DPH6: variants seen among roughly 807,000 people sequenced by gnomAD.
The protein encoded by DPH6 is diphthine--ammonia ligase.
A neutral mutation model predicts 38.2 loss-of-function variants in DPH6; 33 were observed. The ratio of observed to expected loss-of-function variants is 0.86; its 90% CI spans 0.65 to 1.15. DPH6 has a LOEUF of 1.15. DPH6 is among the 50% of genes most tolerant of loss of function. The probability of loss-of-function intolerance (pLI) is 0.00; values close to 1 mark genes in which losing one functional copy is unlikely to be tolerated. For synonymous variants in DPH6, 108 were observed against 103.0 expected, an observed-to-expected ratio of 1.05 and a Z score of -0.30; for missense variants, 325 against 320.0, an observed-to-expected ratio of 1.02 and a Z score of -0.12.
chr15:35,424,766 A>C (rs922834336), intron 5 of DPH6, among the ~76,000 whole-genome samples: 1 of 151,654 alleles, frequency 6.6e-6, no homozygotes, highest in Non-Finnish European at 1.5e-5. Flanking sequence ...ATTACTGAAT[A>C]AAGGAGAAGA....
intron 3 of DPH6, among the ~76,000 whole-genome samples, chr15:35,287,880 G>A (rs1428567305): frequency 6.6e-6 from 1 of 152,176 alleles, no homozygotes; most frequent in East Asian, 1.9e-4. Context: ...ATATTGAAAT[G>A]ATAAATAACA....
chr15:35,163,550 G>A, the DPH6 span, among the ~76,000 whole-genome samples: 4 of 151,868 alleles, frequency 2.6e-5, no homozygotes, highest in Non-Finnish European at 5.9e-5. Flanking sequence ...GATTTAATAA[G>A]CAGTGAATCG....
At chr15:35,173,364 C>T in the DPH6 span, among the ~76,000 whole-genome samples, 1 of 152,192 alleles carries the variant, frequency 6.6e-6, no homozygotes. Flanking sequence ...ATTTCTAACA[C>T]CTTAAAACCA....
intron 3 of DPH6, among the ~76,000 whole-genome samples, chr15:35,527,454 C>A (rs1291259564): frequency 3.3e-5 from 5 of 152,016 alleles, no homozygotes. Context: ...ATCCCTATTC[C>A]TCAAGTTACT....
chr15:35,261,126 A>G (rs2051743578), intron 3 of DPH6, among the ~76,000 whole-genome samples: 1 of 152,156 alleles, frequency 6.6e-6, no homozygotes, highest in South Asian at 2.1e-4. Context: ...TCTTTCCCAG[A>G]TGATTAACTT....
chr15:35,243,250 A>G (rs1366073432), intron 3 of DPH6, among the ~76,000 whole-genome samples: 1 of 140,856 alleles, frequency 7.1e-6, no homozygotes, highest in Non-Finnish European at 1.5e-5. Context: ...AATCTCTCCC[A>G]CTCTAGGTTC....
intron 3 of DPH6, among the ~76,000 whole-genome samples, chr15:35,346,202 C>T: frequency 6.6e-6 from 1 of 152,068 alleles, no homozygotes; most frequent in East Asian, 1.9e-4. Context: ...ACCTCATTGA[C>T]TCCCCCTTCT....
chr15:35,330,210 C>T (rs947758795), downstream of DPH6, among the ~76,000 whole-genome samples: 1 of 152,110 alleles, frequency 6.6e-6, no homozygotes, highest in African/African-American at 2.4e-5. Flanking sequence ...CAGCCATGAA[C>T]TCAGCTGCAC....
Position 35,419,679 on chromosome 15 carries a change from C to T in DPH6, c.506-8783G>A, listed in dbSNP as rs72703200. 1.8e-3 allele frequency among the ~76,000 whole-genome samples: 275 copies of T among 152,008 alleles called. 2 individuals are homozygous for T. The highest frequency in any genetic ancestry group is 4.3e-3 in the East Asian group (22 of 5,176). ...ACCTTAGACAGAATAGGTTTTAGGTCGAAAACTGTAAAAAGGACAATAAAG... is the reference window on the plus strand; with the variant it reads ...ACCTTAGACAGAATAGGTTTTAGGTTGAAAACTGTAAAAAGGACAATAAAG... On this transcript the variant is annotated intron_variant, in intron 5 of 8. Coordinates refer to ENST00000256538, the MANE Select transcript of DPH6 (RefSeq NM_080650.4).
At chr15:35,416,405 T>G (rs1351117793) in intron 5 of DPH6, among the ~76,000 whole-genome samples, 3 of 152,036 alleles carry the variant, frequency 2.0e-5, no homozygotes, top group Non-Finnish European at 4.4e-5. Flanking sequence ...TAGGTTTTTT[T>G]GGCATGAACA....
chr15:35,462,022 C>T (rs2054072528), intron 3 of DPH6, among the ~76,000 whole-genome samples: 1 of 152,174 alleles, frequency 6.6e-6, no homozygotes, highest in Non-Finnish European at 1.5e-5. Context: ...AATGGCACAA[C>T]ATGTATATTG....
At chr15:35,232,579 T>TCAAAAA (rs78498163) in intron 3 of DPH6, among the ~76,000 whole-genome samples, 14 of 151,796 alleles carry the variant, frequency 9.2e-5, no homozygotes, top group African/African-American at 2.9e-4. Flanking sequence ...ATACTCCGTG[T>TCAAAAA]CAAAAACAAA....
At chr15:35,516,348 T>G (rs2054847306) in intron 3 of DPH6, among the ~76,000 whole-genome samples, 1 of 152,186 alleles carries the variant, frequency 6.6e-6, no homozygotes, top group African/African-American at 2.4e-5. Flanking sequence ...TAGTGACAAG[T>G]AAGTATGTAA....
chr15:35,418,035 C>G (rs569651888), intron 5 of DPH6, among the ~76,000 whole-genome samples: 40 of 152,184 alleles, frequency 2.6e-4, no homozygotes, highest in Non-Finnish European at 2.8e-4. Flanking sequence ...CTTCGATTTA[C>G]CTCAGTCCTT....
chr15:35,353,788 TTAAAG>T, intron 3 of DPH6, among the ~76,000 whole-genome samples: 1 of 152,316 alleles, frequency 6.6e-6, no homozygotes, highest in African/African-American at 2.4e-5. Flanking sequence ...CATATGAACT[TTAAAG>T]TAGTTTCTTC....
chr15:35,328,883 A>G (rs2052306165), downstream of DPH6, among the ~76,000 whole-genome samples: 2 of 152,172 alleles, frequency 1.3e-5, no homozygotes, highest in Non-Finnish European at 2.9e-5. Flanking sequence ...GGTGGAAGGC[A>G]AGGAGGAGCA....
chr15:35,394,309 T>C (rs1487055052), intron 6 of DPH6, among the ~76,000 whole-genome samples: 1 of 152,192 alleles, frequency 6.6e-6, no homozygotes, highest in Admixed American at 6.6e-5. Context: ...TCAAAATGAC[T>C]TTTAAAAATA....
chr15:35,423,267 G>C (rs2053528747), intron 5 of DPH6, among the ~76,000 whole-genome samples: 1 of 151,632 alleles, frequency 6.6e-6, no homozygotes, highest in Non-Finnish European at 1.5e-5. Flanking sequence ...CCTCATTGTG[G>C]TTTTGATTGG....
At chr15:35,358,155 C>T (rs915253548) in intron 3 of DPH6, among the ~76,000 whole-genome samples, 1 of 152,150 alleles carries the variant, frequency 6.6e-6, no homozygotes, top group African/African-American at 2.4e-5. Context: ...CTTTCTTCTA[C>T]TTGTTCAATT....
Sources: allele counts gnomAD v4.1 joint callset (sites outside exome capture counted in the v4.1 genomes callset), GRCh38; gene constraint gnomAD v4.1.1; transcripts MANE v1.5; gene names NCBI Gene and HGNC (gene_info 2026-07-23, HGNC 2026-07-21).